Variants in WDR25 observed in about 807,000 individuals in gnomAD.
The protein encoded by WDR25 is WD repeat-containing protein 25.
In WDR25, 35 loss-of-function variants were observed where a neutral mutation model predicts 47.7. That is an observed-to-expected ratio of 0.73 (90% confidence interval 0.56 to 0.97). The LOEUF (loss-of-function observed/expected upper bound fraction) is 0.97. Among genes scored for constraint, WDR25 ranks in the 50% least tolerant of loss-of-function variants. The probability of loss-of-function intolerance (pLI) is 0.00; values close to 1 mark genes in which losing one functional copy is unlikely to be tolerated. For synonymous variants in WDR25, 248 were observed against 278.9 expected (o/e 0.89, Z 1.10); for missense variants, 634 against 704.7 (o/e 0.90, Z 1.14).
At chr14:100,518,429 G>T (rs1901581156) in intron 4 of WDR25, among the ~76,000 whole-genome samples, 1 of 151,706 alleles carries the variant, frequency 6.6e-6, no homozygotes, top group African/African-American at 2.4e-5. Flanking sequence ...TTAGCAGTTT[G>T]ATTGGGATAT....
intron 2 of WDR25, among the ~76,000 whole-genome samples, chr14:100,465,140 T>C (rs1445861504): frequency 6.6e-6 from 1 of 151,780 alleles, no homozygotes; most frequent in Non-Finnish European, 1.5e-5. Flanking sequence ...AATTCACGTA[T>C]AAATGAGATC....
intron 4 of WDR25, among the ~76,000 whole-genome samples, chr14:100,521,276 T>G (rs2029874936): frequency 6.6e-6 from 1 of 152,100 alleles, no homozygotes; most frequent in Non-Finnish European, 1.5e-5. Flanking sequence ...CTAAAATATT[T>G]ACTGACTGGC....
intron 5 of WDR25, among the ~76,000 whole-genome samples, chr14:100,528,678 C>A (rs2030311009): frequency 6.6e-6 from 1 of 152,106 alleles, no homozygotes; most frequent in Non-Finnish European, 1.5e-5. Flanking sequence ...GGTTTTGACC[C>A]TGTAAGGTAA....
chr14:100,483,180 A>G (rs999226978), intron 3 of WDR25, among the ~76,000 whole-genome samples: 2 of 152,224 alleles, frequency 1.3e-5, no homozygotes, highest in African/African-American at 4.8e-5. Flanking sequence ...AAGGAGGACC[A>G]GCTTTGACCT....
rs1897168896 is a variant in WDR25, at chr14:100,392,576, G to A, written c.822+10830G>A. Among the ~76,000 whole-genome samples, 1 of 151,926 alleles carries A rather than the reference G, an allele frequency of 6.6e-6. No individual in the cohort carries two copies. The highest frequency in any genetic ancestry group is 2.4e-5 in the African/African-American group (1 of 41,354). ...TTTGAACACCCTCCCATCCATTTCTGGTCCATACGGGCTGTGTTTGTCAGA... is the reference window on the plus strand; with the variant it reads ...TTTGAACACCCTCCCATCCATTTCTAGTCCATACGGGCTGTGTTTGTCAGA... On this transcript the variant is annotated intron_variant, in intron 2 of 6. Coordinates refer to ENST00000402312, the MANE Select transcript of WDR25 (RefSeq NM_001161476.3). The surrounding 1 kb of genome is among the most constrained non-coding windows in gnomAD (Gnocchi z 4.2).
intron 2 of WDR25, among the ~76,000 whole-genome samples, chr14:100,398,243 A>G (rs750472147): frequency 1.3e-5 from 2 of 152,200 alleles, no homozygotes; most frequent in Non-Finnish European, 2.9e-5. Flanking sequence ...CTTGACATGC[A>G]GAGGCATGTC....
intron 2 of WDR25, among the ~76,000 whole-genome samples, chr14:100,464,511 C>T: frequency 6.6e-6 from 1 of 152,082 alleles, no homozygotes; most frequent in East Asian, 1.9e-4. Flanking sequence ...AATAGCAGGT[C>T]CTCAGGAAAT....
At chr14:100,406,513 G>T (rs1897543098) in intron 2 of WDR25, 1 of 152,252 alleles carries the variant, frequency 6.6e-6, no homozygotes, top group African/African-American at 2.4e-5. Context: ...GCCAGGAATT[G>T]AGTGGGGAAT....
rs1747863208 is a variant in WDR25, at chr14:100,449,950, C to T, written c.823-18071C>T. Among the ~76,000 whole-genome samples, 1 of 152,226 alleles carries T rather than the reference C, an allele frequency of 6.6e-6. No homozygotes were observed. The highest frequency in any genetic ancestry group is 2.1e-4 in the South Asian group (1 of 4,838). On this transcript the variant is annotated intron_variant, in intron 2 of 6. Transcript: ENST00000402312. This position sits in a 1 kb window ranked among gnomAD's most constrained non-coding sequence, Gnocchi z 4.2. ...TCCCCTCTAATCCACCTGTAAGTCCCAGTGATTCTTCTCTAAACTGGGCAT... is the reference window on the plus strand; with the variant it reads ...TCCCCTCTAATCCACCTGTAAGTCCTAGTGATTCTTCTCTAAACTGGGCAT...
chr14:100,418,534 G>T (rs1897935160), intron 2 of WDR25, among the ~76,000 whole-genome samples: 1 of 151,848 alleles, frequency 6.6e-6, no homozygotes, highest in Admixed American at 6.6e-5. Context: ...ACTTTTGGGA[G>T]GCTGAGGCAG....
At position 100,529,854 on chromosome 14, in the gene WDR25, C is replaced by G. The variant is rs1482074942; in HGVS notation, c.1448C>G (p.Pro483Arg). The G allele has an allele frequency of 6.2e-7, 1 of 1,612,888 alleles. No homozygotes were observed. Among genetic ancestry groups the G allele is most frequent in the Non-Finnish European group, 8.5e-7 (1 of 1,180,006 alleles). ...EGYSVGCECS[P>R]GGDLLVTGSA... ...TACTCAGTGGGCTGCGAGTGCTCCC[C>G]AGGCGGTGACTTGCTGGTGACGGGC... The change falls in exon 7 of 7, where the codon CCA becomes CGA. Residue 483 changes from proline (P) to arginine (R), a missense_variant. Transcript: ENST00000402312. The surrounding 1 kb of genome is among the most constrained non-coding windows in gnomAD (Gnocchi z 5.1).
chr14:100,432,898 C>G (rs956326735), intron 2 of WDR25, among the ~76,000 whole-genome samples: 7 of 152,340 alleles, frequency 4.6e-5, no homozygotes, highest in Admixed American at 3.9e-4. Context: ...TATGGTATAA[C>G]CCATTGCTCC....
At chr14:100,503,338 C>T (rs115728269) in intron 4 of WDR25, among the ~76,000 whole-genome samples, 180 of 152,212 alleles carry the variant, frequency 1.2e-3, no homozygotes, top group Admixed American at 3.5e-3. Context: ...CCCTGCCCCC[C>T]GCATGTGGTT....
intron 2 of WDR25, among the ~76,000 whole-genome samples, chr14:100,431,183 A>G (rs1898322061): frequency 6.6e-6 from 1 of 152,228 alleles, no homozygotes; most frequent in African/African-American, 2.4e-5. Context: ...TGATTTGAGT[A>G]TCTGTATCCT....
At chr14:100,379,549 G>A (rs766647568) in intron 1 of WDR25, among the ~76,000 whole-genome samples, 22 of 151,414 alleles carry the variant, frequency 1.5e-4, no homozygotes, top group Non-Finnish European at 2.4e-4. Flanking sequence ...CACCATGTCC[G>A]GCTAATTTTT....
intron 4 of WDR25, among the ~76,000 whole-genome samples, chr14:100,519,266 G>GAGAGA (rs1555397029): frequency 3.4e-5 from 5 of 147,672 alleles, no homozygotes; most frequent in African/African-American, 1.3e-4. Flanking sequence ...TTTATAGGGG[G>GAGAGA]GAGAGAGAGA....
chr14:100,511,380 T>C (rs7157391), intron 4 of WDR25, among the ~76,000 whole-genome samples: 15,770 of 152,226 alleles, frequency 0.1, 2,717 homozygotes, highest in African/African-American at 0.36. Context: ...CCTTGAATTC[T>C]GTAACTCTTC....
At chr14:100,486,301 C>T (rs866104394) in intron 4 of WDR25, among the ~76,000 whole-genome samples, 2 of 152,074 alleles carry the variant, frequency 1.3e-5, no homozygotes, top group Non-Finnish European at 2.9e-5. Flanking sequence ...TTAAAAATAC[C>T]GGATTTTTTC....
chr14:100,390,426 T>TGTGTGTGTGTGTGC (rs1413707045), intron 2 of WDR25, among the ~76,000 whole-genome samples: 75 of 150,482 alleles, frequency 5.0e-4, no homozygotes, highest in Non-Finnish European at 7.6e-4. Flanking sequence ...TGTGTGTGTG[T>TGTGTGTGTGTGTGC]GCATGCACAC....
Sources: allele counts gnomAD v4.1 joint callset (sites outside exome capture counted in the v4.1 genomes callset), GRCh38; gene constraint gnomAD v4.1.1; non-coding constraint Gnocchi (gnomAD v3.1); transcripts MANE v1.5; gene names NCBI Gene and HGNC (gene_info 2026-07-23, HGNC 2026-07-21).